PIK3CB: variants seen among roughly 807,000 people sequenced by gnomAD.
The protein encoded by PIK3CB is phosphatidylinositol 4,5-bisphosphate 3-kinase catalytic subunit beta isoform.
In PIK3CB, 39 loss-of-function variants were observed where a neutral mutation model predicts 136.8. The ratio of observed to expected loss-of-function variants is 0.29; its 90% CI spans 0.22 to 0.37. The LOEUF is 0.37. Among genes scored for constraint, PIK3CB ranks in the 10% least tolerant of loss-of-function variants. The pLI is 1.00. For synonymous variants in PIK3CB, 428 were observed against 436.6 expected (o/e 0.98, Z 0.25); for missense variants, 868 against 1,275.4 (o/e 0.68, Z 4.87).
intron 19 of PIK3CB, among the ~76,000 whole-genome samples, chr3:138,670,570 A>G (rs2043512775): frequency 6.6e-6 from 1 of 152,250 alleles, no homozygotes; most frequent in Non-Finnish European, 1.5e-5. Flanking sequence ...GCAGCCATAC[A>G]TAATATGTAA....
chr3:138,814,963 C>A (rs1297323153), intron 1 of PIK3CB, among the ~76,000 whole-genome samples: 1 of 151,664 alleles, frequency 6.6e-6, no homozygotes, highest in South Asian at 2.1e-4. Context: ...CGGTGAAACC[C>A]CGTCTCTACT....
intron 2 of PIK3CB, chr3:138,778,571 G>A (rs2045886700): frequency 4.4e-6 from 1 of 227,622 alleles, no homozygotes; most frequent in South Asian, 5.5e-5. Context: ...GGAGAGACCT[G>A]CCAAATACAA....
intron 13 of PIK3CB, among the ~76,000 whole-genome samples, chr3:138,697,561 G>C (rs932495695): frequency 6.6e-6 from 1 of 151,880 alleles, no homozygotes; most frequent in Non-Finnish European, 1.5e-5. Flanking sequence ...CCAACCTCCC[G>C]AGTAGCTGGA....
chr3:138,773,523 G>C (rs1576405406), intron 2 of PIK3CB, among the ~76,000 whole-genome samples: 2 of 152,142 alleles, frequency 1.3e-5, no homozygotes. Flanking sequence ...TTTAATAAAA[G>C]TCATATCACT....
intron 8 of PIK3CB, among the ~76,000 whole-genome samples, chr3:138,725,826 CG>C (rs2044824658): frequency 6.6e-6 from 1 of 152,158 alleles, no homozygotes; most frequent in African/African-American, 2.4e-5. Flanking sequence ...TGTGTCATCT[CG>C]TCACTGACGT....
intron 8 of PIK3CB, among the ~76,000 whole-genome samples, chr3:138,724,081 G>A (rs559633518): frequency 3.9e-4 from 59 of 152,216 alleles, no homozygotes; most frequent in African/African-American, 1.3e-3. Context: ...CCTGGACTTA[G>A]GGCAGATGCT....
chr3:138,658,177 G>T (rs902635083), intron 21 of PIK3CB, among the ~76,000 whole-genome samples: 1 of 152,134 alleles, frequency 6.6e-6, no homozygotes, highest in East Asian at 1.9e-4. Flanking sequence ...GGTTGGTTGT[G>T]GTGGCTCATG....
intron 8 of PIK3CB, among the ~76,000 whole-genome samples, chr3:138,727,567 C>A (rs1350232496): frequency 6.6e-6 from 1 of 152,210 alleles, no homozygotes; most frequent in Non-Finnish European, 1.5e-5. Flanking sequence ...ACTGGGCCAA[C>A]AACTTGAATC....
In PIK3CB at chr3:138,685,244, A is replaced by C. The variant is rs182780144; in HGVS notation, c.2137-441T>G. The C allele has an allele frequency of 2.8e-3, 439 of 154,180 alleles. 4 individuals are homozygous for C. The highest frequency in any genetic ancestry group is 5.6e-3 in the Admixed American group (86 of 15,386). 9.6% of individuals were successfully genotyped at this position (154,180 alleles called of 1,614,324 possible). A position where few individuals can be genotyped will look rare whatever the true frequency, so the allele number is the denominator to read the frequency against. ...TATCTCTACAAAAAGAAATACAAAA[A>C]TTTGCTGGGCATGGTGGCACTTGCC... On this transcript the variant is annotated intron_variant, in intron 16 of 23. Coordinates refer to ENST00000674063, the MANE Select transcript of PIK3CB (RefSeq NM_006219.3).
chr3:138,713,765 C>A (rs929684997), intron 9 of PIK3CB, among the ~76,000 whole-genome samples: 1 of 152,016 alleles, frequency 6.6e-6, no homozygotes, highest in Admixed American at 6.6e-5. Context: ...CCTATCCCCA[C>A]CAAAAAGCTT....
chr3:138,667,714 A>G (rs1212920171), intron 19 of PIK3CB, among the ~76,000 whole-genome samples: 2 of 148,394 alleles, frequency 1.3e-5, no homozygotes, highest in Non-Finnish European at 3.0e-5. Flanking sequence ...GGCGCCTGCC[A>G]CCATGTCTGG....
intron 1 of PIK3CB, among the ~76,000 whole-genome samples, chr3:138,819,570 G>A (rs983655496): frequency 4.6e-5 from 7 of 152,130 alleles, no homozygotes; most frequent in Admixed American, 1.3e-4. Context: ...TTCAACCTGG[G>A]CTATACATTA....
intron 2 of PIK3CB, among the ~76,000 whole-genome samples, chr3:138,766,629 CACTT>C (rs2108753075): frequency 6.6e-6 from 1 of 152,286 alleles, no homozygotes; most frequent in African/African-American, 2.4e-5. Flanking sequence ...AATCCTTCCT[CACTT>C]ACAAAGAAAC....
rs2043152217 is a variant in PIK3CB at position 138,653,932 on chromosome 3, T to C, written c.*1457A>G. On this transcript the variant is annotated 3_prime_UTR_variant, in exon 24 of 24. Coordinates refer to ENST00000674063, the MANE Select transcript of PIK3CB (RefSeq NM_006219.3). ...AATAAGCCTTAGCCTATTCCTGAGG[T>C]TGGTTTGTCTACTGACTTGGCCATT... is the stretch of plus-strand genomic sequence containing the variant. The C allele has an allele frequency of 1.0e-5, 2 of 199,166 alleles. No individual in the cohort carries two copies. Among genetic ancestry groups the C allele is most frequent in the Non-Finnish European group, 1.0e-5 (1 of 96,410 alleles). 12.3% of individuals were successfully genotyped at this position (199,166 alleles called of 1,614,324 possible).
intron 8 of PIK3CB, among the ~76,000 whole-genome samples, chr3:138,727,307 A>G (rs1376766525): frequency 6.6e-6 from 1 of 152,246 alleles, no homozygotes; most frequent in Non-Finnish European, 1.5e-5. Flanking sequence ...TGATACTGTC[A>G]GCTTTAAGGA....
chr3:138,670,519 A>C (rs1290480345), intron 19 of PIK3CB, among the ~76,000 whole-genome samples: 4 of 152,200 alleles, frequency 2.6e-5, no homozygotes, highest in African/African-American at 9.6e-5. Flanking sequence ...TATTTTAGGC[A>C]CTACAGACTA....
In PIK3CB at chr3:138,774,045, G is replaced by T. The variant is rs1032424244; in HGVS notation, c.-16-14686C>A. Among the ~76,000 whole-genome samples, 14 of 152,288 alleles carry T rather than the reference G, an allele frequency of 9.2e-5. 1 individual carries two copies. Among genetic ancestry groups the T allele is most frequent in the African/African-American group, 3.1e-4 (13 of 41,572 alleles). On this transcript the variant is annotated intron_variant, in intron 2 of 23. Coordinates refer to ENST00000674063, the MANE Select transcript of PIK3CB (RefSeq NM_006219.3). ...ATAGAGACCTTCTCTAGCCTTTGAA[G>T]ATATAACTAAGGGAATTCTCCTACA...
In PIK3CB at chr3:138,737,644, A is replaced by AATAT. The variant is rs372468230; in HGVS notation, c.801+59_801+62dup. ...AACACATTTTTAAAGTCAGAAATAAAATATATATATATATATATATACTCA... is the reference window on the plus strand; with the variant it reads ...AACACATTTTTAAAGTCAGAAATAAAATATATATATATATATATATATATACTCA... On this transcript the variant is annotated intron_variant, in intron 6 of 23. Transcript: ENST00000674063. The AATAT allele has an allele frequency of 5.3e-3, 2,454 of 462,360 alleles. 60 individuals are homozygous for AATAT. Among genetic ancestry groups the AATAT allele is most frequent in the African/African-American group, 0.041 (1,936 of 46,814 alleles). 28.6% of individuals were successfully genotyped at this position (462,360 alleles called of 1,614,324 possible).
intron 1 of PIK3CB, chr3:138,825,294 G>C (rs932826404): frequency 8.3e-6 from 4 of 481,520 alleles, no homozygotes; most frequent in Non-Finnish European, 1.5e-5. Context: ...TCTGATTGTT[G>C]CTGCTGGTGT....
Sources: allele counts gnomAD v4.1 joint callset (sites outside exome capture counted in the v4.1 genomes callset), GRCh38; gene constraint gnomAD v4.1.1; transcripts MANE v1.5; gene names NCBI Gene and HGNC (gene_info 2026-07-23, HGNC 2026-07-21).